The following UST variants were observed in gnomAD, a reference collection of about 807,000 sequenced individuals.
UST encodes uronyl 2-sulfotransferase, also known as chondroitin sulfate 2-O-sulfotransferase.
Under a neutral mutation model 45.6 loss-of-function variants are expected in UST, and 21 were observed. The observed-to-expected ratio is 0.46, with a 90% confidence interval of 0.33 to 0.66. The LOEUF is 0.66. UST is among the 30% of genes least tolerant of loss of function. UST has a pLI of 0.02. For synonymous variants in UST, 215 were observed against 200.6 expected (o/e 1.07, Z -0.61); for missense variants, 463 against 512.4 (o/e 0.90, Z 0.93).
chr6:148,932,740 G>A (rs961106729), intron 2 of UST, among the ~76,000 whole-genome samples: 1 of 152,138 alleles, frequency 6.6e-6, no homozygotes, highest in Non-Finnish European at 1.5e-5. Context: ...TTCTTTGTAT[G>A]AAAATTCTGG....
intron 1 of UST, among the ~76,000 whole-genome samples, chr6:148,871,171 CTT>C (rs1778552331): frequency 9.4e-6 from 1 of 106,102 alleles, no homozygotes; most frequent in Non-Finnish European, 2.0e-5. Flanking sequence ...TCTCTCTGTC[CTT>C]CTCTCTCTCT....
intron 7 of UST, among the ~76,000 whole-genome samples, chr6:149,040,081 C>T (rs940994890): frequency 6.6e-5 from 10 of 152,326 alleles, no homozygotes; most frequent in African/African-American, 2.2e-4. Context: ...GCTGGTTAGG[C>T]ATAAAGATAA....
At chr6:148,886,929 C>G in intron 1 of UST, 57 bp from the exon 2 acceptor site, 1 of 1,442,362 alleles carries the variant, frequency 6.9e-7, no homozygotes, top group South Asian at 1.2e-5. Flanking sequence ...TAACTTTGCA[C>G]TAAATTCATT....
intron 1 of UST, among the ~76,000 whole-genome samples, chr6:148,789,265 G>A (rs1278647297): frequency 6.6e-6 from 1 of 151,992 alleles, no homozygotes; most frequent in African/African-American, 2.4e-5. Context: ...CCTCCTCAAT[G>A]TGTGTTCTGA....
In UST at chr6:148,769,750, T is replaced by TTGTG. The variant is rs57316536; in HGVS notation, c.247+22103_247+22106dup. Among the ~76,000 whole-genome samples, 752 of 148,218 alleles carry TTGTG rather than the reference T, an allele frequency of 5.1e-3. 3 individuals carry two copies. Among genetic ancestry groups the TTGTG allele is most frequent in the African/African-American group, 0.012 (506 of 40,580 alleles). ...AGTATAGGAATGTAGGAGCCTGTGT[T>TTGTG]TGTGTGTGTGTGTGTGTGTGTGTGT... On this transcript the variant is annotated intron_variant, in intron 1 of 7. Coordinates refer to ENST00000367463, the MANE Select transcript of UST (RefSeq NM_005715.3).
intron 2 of UST, among the ~76,000 whole-genome samples, chr6:148,905,033 A>ACT (rs1318040213): frequency 6.6e-6 from 1 of 152,232 alleles, no homozygotes; most frequent in South Asian, 2.1e-4. Context: ...AAAGCCAAGT[A>ACT]CTCTCTCTCT....
intron 3 of UST, among the ~76,000 whole-genome samples, chr6:148,946,932 G>T (rs578241421): frequency 6.8e-6 from 1 of 147,816 alleles, no homozygotes; most frequent in Admixed American, 6.9e-5. Flanking sequence ...ATTAATGTGC[G>T]TATTAAACCC....
rs576551844 is a variant in UST at position 148,772,198 on chromosome 6, C to G, written c.247+24521C>G. ...AGAGAATAGAATATTGAGTTTGTGC[C>G]TGGTGGTTTCTCTTTATCGGTTTCT... On this transcript the variant is annotated intron_variant, in intron 1 of 7. Coordinates refer to ENST00000367463, the MANE Select transcript of UST (RefSeq NM_005715.3). Among the ~76,000 whole-genome samples the G allele has an allele frequency of 5.3e-5, 8 of 152,258 alleles. 1 individual carries two copies. In the South Asian group the frequency reaches 1.7e-3, roughly 32 times the overall value.
chr6:149,048,989 C>G (rs1419670905), intron 7 of UST, among the ~76,000 whole-genome samples: 1 of 152,074 alleles, frequency 6.6e-6, no homozygotes, highest in Non-Finnish European at 1.5e-5. Context: ...TTCAAAATGC[C>G]CATAGCTGCA....
At chr6:149,041,943 A>G (rs1485511103) in intron 7 of UST, among the ~76,000 whole-genome samples, 1 of 152,264 alleles carries the variant, frequency 6.6e-6, no homozygotes, top group Non-Finnish European at 1.5e-5. Flanking sequence ...TGACAATAAC[A>G]CAATTTGTCC....
intron 5 of UST, among the ~76,000 whole-genome samples, chr6:148,984,867 C>T (rs1042199990): frequency 6.6e-6 from 1 of 152,166 alleles, no homozygotes; most frequent in Non-Finnish European, 1.5e-5. Context: ...GCAAAATAAA[C>T]TATTTTGGTT....
At position 148,748,665 on chromosome 6, in the gene UST, C is replaced by T. The variant is rs1347697603; in HGVS notation, c.247+988C>T. 1.3e-5 allele frequency among the ~76,000 whole-genome samples: 2 copies of T among 152,046 alleles called. No homozygotes were observed. Among genetic ancestry groups the T allele is most frequent in the Admixed American group, 6.6e-5 (1 of 15,254 alleles). On this transcript the variant is annotated intron_variant, in intron 1 of 7. Coordinates refer to ENST00000367463, the MANE Select transcript of UST (RefSeq NM_005715.3). The surrounding 1 kb of genome is among the most constrained non-coding windows in gnomAD (Gnocchi z 5.3). Reference sequence around the variant, plus strand: ...AGCCAAGGGAGGATGCAGATCCCTCCCAAGTCTGTGGCCAGAAGAGGTCGT... The same window carrying T: ...AGCCAAGGGAGGATGCAGATCCCTCTCAAGTCTGTGGCCAGAAGAGGTCGT...
intron 2 of UST, among the ~76,000 whole-genome samples, chr6:148,901,886 A>T (rs142540917): frequency 1.3e-5 from 2 of 152,284 alleles, no homozygotes; most frequent in African/African-American, 2.4e-5. Flanking sequence ...TGAGCAGTCC[A>T]TTAGCCAGAA....
At chr6:148,903,841 G>A (rs1779307439) in intron 2 of UST, among the ~76,000 whole-genome samples, 2 of 152,182 alleles carry the variant, frequency 1.3e-5, no homozygotes, top group Admixed American at 1.3e-4. Context: ...AAATACTGCA[G>A]CCCAAAGAGG....
chr6:148,807,679 G>C lies in UST; in HGVS notation c.247+60002G>C, dbSNP rs984117444. Among the ~76,000 whole-genome samples, 47 of 152,034 alleles carry C rather than the reference G, an allele frequency of 3.1e-4. 1 individual carries two copies. The highest frequency in any genetic ancestry group is 1.5e-5 in the Non-Finnish European group (1 of 68,022). ...ATACAGCTTTGATTTCTTCAGCAAG[G>C]GTGTTAGGGGGCTTGGGTAAGAAGC... On this transcript the variant is annotated intron_variant, in intron 1 of 7. Coordinates refer to ENST00000367463, the MANE Select transcript of UST (RefSeq NM_005715.3).
intron 5 of UST, among the ~76,000 whole-genome samples, chr6:149,008,120 A>G (rs1456864849): frequency 6.6e-6 from 1 of 152,138 alleles, no homozygotes; most frequent in African/African-American, 2.4e-5. Context: ...TTTTCCTGCC[A>G]ATTTGCTATA....
chr6:148,807,847 C>T (rs1243682197), intron 1 of UST, among the ~76,000 whole-genome samples: 1 of 152,140 alleles, frequency 6.6e-6, no homozygotes, highest in Non-Finnish European at 1.5e-5. Flanking sequence ...GTGTGGATAT[C>T]TATCGATGCC....
chr6:148,989,908 C>A (rs1418235613), intron 5 of UST, among the ~76,000 whole-genome samples: 2 of 152,136 alleles, frequency 1.3e-5, no homozygotes, highest in African/African-American at 2.4e-5. Context: ...TCCATCCCTC[C>A]CCATTTGGAA....
At chr6:149,059,411 A>G (rs1016456270) in intron 7 of UST, among the ~76,000 whole-genome samples, 6 of 152,210 alleles carry the variant, frequency 3.9e-5, no homozygotes, top group African/African-American at 1.4e-4. Context: ...CGAAAGGTGG[A>G]CATCTGCGGC....
Sources: allele counts gnomAD v4.1 joint callset (sites outside exome capture counted in the v4.1 genomes callset), GRCh38; gene constraint gnomAD v4.1.1; non-coding constraint Gnocchi (gnomAD v3.1); transcripts MANE v1.5; gene names NCBI Gene and HGNC (gene_info 2026-07-23, HGNC 2026-07-21).